NUP93: variants seen among roughly 807,000 people sequenced by gnomAD.
NUP93 encodes nucleoporin 93.
A neutral mutation model predicts 107.8 loss-of-function variants in NUP93; 55 were observed. The observed-to-expected ratio is 0.51, with a 90% CI of 0.41 to 0.64. NUP93 has a LOEUF of 0.64. NUP93 is among the 30% of genes least tolerant of loss of function. The pLI is 0.00. For missense variants in NUP93, 937 were observed against 1,044.7 expected, an observed-to-expected ratio of 0.90 and a Z score of 1.42; for synonymous variants, 390 against 397.5, an observed-to-expected ratio of 0.98 and a Z score of 0.22.
rs952157249 is a variant in NUP93 at position 56,833,514 on chromosome 16, G to A, written c.1537+108G>A. 9.7e-5 allele frequency: 85 copies of A among 871,858 alleles called. 1 individual carries two copies. The African/African-American group carries it at 1.1e-3, about 11-fold the overall frequency. The allele number at this position is 871,858 out of a possible 1,614,324, so 54.0% of individuals were successfully genotyped here. ...ATAAGGATTTGAGCAAAGGGTACCA[G>A]TCATTTTAGAGCATGTGGACAGTTG... On this transcript the variant is annotated intron_variant, in intron 13 of 21. Transcript: ENST00000308159.
At chr16:56,822,402 C>T (rs1963563290) in intron 7 of NUP93, among the ~76,000 whole-genome samples, 1 of 151,052 alleles carries the variant, frequency 6.6e-6, no homozygotes, top group Non-Finnish European at 1.5e-5. Context: ...GTCCCAGCTA[C>T]TCGAGAGGCT....
intron 2 of NUP93, among the ~76,000 whole-genome samples, chr16:56,758,118 C>T (rs1057253723): frequency 6.6e-6 from 1 of 151,964 alleles, no homozygotes; most frequent in Non-Finnish European, 1.5e-5. Flanking sequence ...AACTAGATGT[C>T]CTGCCTCTGC....
chr16:56,763,070 GAC>G lies in NUP93; in HGVS notation c.297+4422_297+4423del, dbSNP rs369363065. On this transcript the variant is annotated intron_variant, in intron 3 of 21. Coordinates refer to ENST00000308159, the MANE Select transcript of NUP93 (RefSeq NM_014669.5). ...GGGACTTGGACATATCTTTTTGTGG[GAC>G]ACACACTTCAACCCACTGTACTTAT... is the stretch of plus-strand genomic sequence containing the variant. Among the ~76,000 whole-genome samples, 38 of 152,198 alleles carry G rather than the reference GAC, an allele frequency of 2.5e-4. No homozygotes were observed. The East Asian group carries it at 6.0e-3, about 24-fold the overall frequency.
chr16:56,769,447 A>G (rs1962280206), intron 3 of NUP93, among the ~76,000 whole-genome samples: 1 of 152,140 alleles, frequency 6.6e-6, no homozygotes, highest in Non-Finnish European at 1.5e-5. Context: ...AGGGGCATTC[A>G]GTTTTACAGA....
At position 56,782,183 on chromosome 16, in the gene NUP93, G is replaced by A. The variant is rs147890060; in HGVS notation, c.298-16293G>A. On this transcript the variant is annotated intron_variant, in intron 3 of 21. Transcript: ENST00000308159. ...GCTGCAGTGATCGACAGCATCGACC[G>A]TTCTGTAACTCCTTAAATTTAAGAG... 2.5e-4 allele frequency: 242 copies of A among 985,308 alleles called. 3 individuals are homozygous for A. In the East Asian group the frequency reaches 0.018, roughly 73 times the overall value. 61.0% of individuals were successfully genotyped at this position (985,308 alleles called of 1,614,324 possible).
chr16:56,830,958 T>C (rs1963772347), intron 10 of NUP93, among the ~76,000 whole-genome samples: 1 of 152,210 alleles, frequency 6.6e-6, no homozygotes, highest in African/African-American at 2.4e-5. Flanking sequence ...AGGAGCATGA[T>C]TTGACTTATT....
intron 5 of NUP93, among the ~76,000 whole-genome samples, chr16:56,810,251 C>A (rs111274609): frequency 1.3e-4 from 20 of 152,274 alleles, no homozygotes; most frequent in African/African-American, 4.1e-4. Context: ...TTGCCCTTTT[C>A]CGGAATCTTA....
chr16:56,794,070 A>ATAGG lies in NUP93; in HGVS notation c.298-4386_298-4383dup, dbSNP rs59624915. ...ACTCCATCTCTAGATAGATAGATAG[A>ATAGG]TAGGTAGGTAGGTAGGTAGGTAGAT... On this transcript the variant is annotated intron_variant, in intron 3 of 21. Coordinates refer to ENST00000308159, the MANE Select transcript of NUP93 (RefSeq NM_014669.5). Among the ~76,000 whole-genome samples the ATAGG allele has an allele frequency of 1.8e-3, 273 of 148,534 alleles. 1 individual carries two copies. Among genetic ancestry groups the ATAGG allele is most frequent in the Non-Finnish European group, 2.1e-3 (141 of 67,082 alleles).
intron 1 of NUP93, among the ~76,000 whole-genome samples, chr16:56,742,587 C>G (rs147899477): frequency 6.6e-6 from 1 of 152,208 alleles, no homozygotes; most frequent in Non-Finnish European, 1.5e-5. Flanking sequence ...CTACAAAGCC[C>G]GAACTATTCA....
At chr16:56,744,976 A>C (rs1447151954) in intron 1 of NUP93, among the ~76,000 whole-genome samples, 2 of 152,216 alleles carry the variant, frequency 1.3e-5, no homozygotes, top group Non-Finnish European at 2.9e-5. Flanking sequence ...TCATTCAAAA[A>C]ATGAGTACCT....
At chr16:56,764,362 C>T (rs143621949) in intron 3 of NUP93, among the ~76,000 whole-genome samples, 56 of 152,116 alleles carry the variant, frequency 3.7e-4, no homozygotes, top group African/African-American at 1.2e-3. Flanking sequence ...TGTTGGTGCA[C>T]GCCTGTAATC....
chr16:56,831,472 C>T (rs1963785162), intron 10 of NUP93: 1 of 167,506 alleles, frequency 6.0e-6, no homozygotes, highest in Admixed American at 5.8e-5. Flanking sequence ...GAGGTGATCT[C>T]ACATGAATAA....
At chr16:56,783,438 ACT>A (rs1235737433) in intron 3 of NUP93, 1 of 981,522 alleles carries the variant, frequency 1.0e-6, no homozygotes, top group Non-Finnish European at 1.2e-6. Flanking sequence ...TTCCTTTGAA[ACT>A]CTGACCCAGT....
intron 3 of NUP93, among the ~76,000 whole-genome samples, chr16:56,773,169 A>G (rs536435709): frequency 8.5e-5 from 13 of 152,236 alleles, no homozygotes; most frequent in Non-Finnish European, 1.6e-4. Context: ...TTGATTATAC[A>G]TTAAAGCCAA....
chr16:56,770,419 T>C (rs1263536871), intron 3 of NUP93, among the ~76,000 whole-genome samples: 14 of 152,216 alleles, frequency 9.2e-5, no homozygotes, highest in African/African-American at 3.1e-4. Context: ...TTTTCACCCC[T>C]TGAGTTAAGG....
rs751048227 is a variant in NUP93, at chr16:56,821,532, A to G, written c.593A>G (p.Asn198Ser). 2 of 1,612,784 alleles carry G rather than the reference A, an allele frequency of 1.2e-6. No individual in the cohort carries two copies. Among genetic ancestry groups the G allele is most frequent in the Non-Finnish European group, 8.5e-7 (1 of 1,178,966 alleles). The change falls in exon 7 of 22, where the codon AAT (asparagine) becomes AGT (serine). Residue 198 changes from asparagine to serine, a missense_variant. Transcript: ENST00000308159. ...QIYIYNEKIV[N>S]GHLQPNLVDL... Reference sequence around the variant, plus strand: ...TATATCTATAATGAGAAAATTGTAAATGGACACCTGCAGCCTAACCTGGTG... The same window carrying G: ...TATATCTATAATGAGAAAATTGTAAGTGGACACCTGCAGCCTAACCTGGTG...
intron 3 of NUP93, among the ~76,000 whole-genome samples, chr16:56,788,910 T>C (rs879606450): frequency 2.6e-5 from 4 of 152,248 alleles, no homozygotes; most frequent in Non-Finnish European, 4.4e-5. Flanking sequence ...CAGATGACTT[T>C]CCCTGTAGCT....
rs542339842 is a variant in NUP93 at position 56,822,713 on chromosome 16, A to AC, written c.655-992dup. ...GTAGCTGGGACTACAGGCACCTGCC[A>AC]CCATGCCTGGTTAATTTTTTTTGTA... On this transcript the variant is annotated intron_variant, in intron 7 of 21. Transcript: ENST00000308159. Among the ~76,000 whole-genome samples, 652 of 151,946 alleles carry AC rather than the reference A, an allele frequency of 4.3e-3. 6 individuals are homozygous for AC. The highest frequency in any genetic ancestry group is 0.015 in the African/African-American group (603 of 41,476).
chr16:56,841,957 T>C, intron 21 of NUP93, 124 bp downstream of exon 21: 2 of 1,184,114 alleles, frequency 1.7e-6, no homozygotes, highest in Non-Finnish European at 2.3e-6. Context: ...GGCAGCTGGA[T>C]AAATCTCGTG....
Sources: gnomAD v4.1 joint callset for allele counts (sites outside exome capture counted in the v4.1 genomes callset) on GRCh38, gnomAD v4.1.1 for gene constraint, MANE v1.5 for transcripts, NCBI Gene and HGNC (gene_info 2026-07-23, HGNC 2026-07-21) for gene names.